PSPC1: variants seen among roughly 807,000 people sequenced by gnomAD.
PSPC1 encodes paraspeckle component 1, also known as paraspeckle protein 1.
PSPC1 carries 14 observed loss-of-function variants against 51.6 expected under a neutral mutation model. The ratio of observed to expected loss-of-function variants is 0.27; its 90% confidence interval spans 0.18 to 0.42. The LOEUF (loss-of-function observed/expected upper bound fraction) is 0.42, where lower values mean the gene tolerates loss of function less well. PSPC1 is among the 10% of genes least tolerant of loss of function. PSPC1 has a pLI of 1.00. For synonymous variants in PSPC1, 193 were observed against 231.9 expected (o/e 0.83, Z 1.53); for missense variants, 406 against 701.1 (o/e 0.58, Z 4.75).
intron 6 of PSPC1, among the ~76,000 whole-genome samples, chr13:19,725,414 C>G (rs1046368179): frequency 1.3e-5 from 2 of 152,168 alleles, no homozygotes; most frequent in Non-Finnish European, 2.9e-5. Context: ...TTATTCTTCA[C>G]AAGCTCTACG....
chr13:19,702,132 C>A (rs781361651), downstream of PSPC1, among the ~76,000 whole-genome samples: 5 of 151,670 alleles, frequency 3.3e-5, no homozygotes, highest in Non-Finnish European at 7.4e-5. Context: ...TTGAAAAACA[C>A]AAACAAACAA....
At chr13:19,760,330 C>T (rs1047142092) in intron 2 of PSPC1, among the ~76,000 whole-genome samples, 2 of 151,792 alleles carry the variant, frequency 1.3e-5, no homozygotes, top group Non-Finnish European at 2.9e-5. Context: ...GAGTTTGAGA[C>T]CAACATGGCC....
intron 6 of PSPC1, among the ~76,000 whole-genome samples, chr13:19,684,583 C>T (rs1355426739): frequency 6.6e-6 from 1 of 152,182 alleles, no homozygotes; most frequent in Non-Finnish European, 1.5e-5. Context: ...TTGAAGATAA[C>T]ATGTAAATCA....
At chr13:19,671,582 C>T (rs534883791), downstream of PSPC1, among the ~76,000 whole-genome samples, 3 of 152,234 alleles carry the variant, frequency 2.0e-5, no homozygotes, top group Admixed American at 1.3e-4. Context: ...GTCTTTAGGC[C>T]GGTCCCTAAC....
intron 5 of PSPC1, among the ~76,000 whole-genome samples, chr13:19,736,519 TA>T (rs1884831191): frequency 1.3e-5 from 2 of 151,678 alleles, no homozygotes; most frequent in South Asian, 4.2e-4. Flanking sequence ...CCATCTCTAC[TA>T]AAAATACAAA....
chr13:19,723,162 G>A lies in PSPC1; in HGVS notation c.1158+7077C>T, dbSNP rs186186420. 1.3e-3 allele frequency among the ~76,000 whole-genome samples: 191 copies of A among 152,150 alleles called. 1 individual carries two copies. The highest frequency in any genetic ancestry group is 4.4e-3 in the African/African-American group (184 of 41,524). Reference sequence around the variant, plus strand: ...TTTTAATGAAAAAGATGACAGCTGGGGTGAGGAATCAGAAGAAACACATGA... The same window carrying A: ...TTTTAATGAAAAAGATGACAGCTGGAGTGAGGAATCAGAAGAAACACATGA... On this transcript the variant is annotated intron_variant, in intron 6 of 8. Transcript: ENST00000338910.
chr13:19,693,853 G>A (rs1395998783), intron 6 of PSPC1, among the ~76,000 whole-genome samples: 1 of 152,072 alleles, frequency 6.6e-6, no homozygotes, highest in Non-Finnish European at 1.5e-5. Context: ...GCCAGGCGCG[G>A]TGGCTCACGC....
intron 6 of PSPC1, among the ~76,000 whole-genome samples, chr13:19,696,124 T>A (rs1485819210): frequency 6.6e-6 from 1 of 152,186 alleles, no homozygotes; most frequent in African/African-American, 2.4e-5. Context: ...AACCCATTTA[T>A]GTTCACAAAA....
chr13:19,778,440 T>C (rs1404861608), intron 1 of PSPC1, among the ~76,000 whole-genome samples: 2 of 118,800 alleles, frequency 1.7e-5, no homozygotes, highest in Non-Finnish European at 3.4e-5. Flanking sequence ...GAGCCGAAGC[T>C]GGACTGTACT....
chr13:19,745,032 A>G (rs1885819527), intron 4 of PSPC1, among the ~76,000 whole-genome samples: 1 of 152,126 alleles, frequency 6.6e-6, no homozygotes, highest in Non-Finnish European at 1.5e-5. Flanking sequence ...TGGCTTACCA[A>G]AGTGGGAGGC....
At chr13:19,689,753 G>A (rs1438373709) in intron 6 of PSPC1, among the ~76,000 whole-genome samples, 1 of 152,080 alleles carries the variant, frequency 6.6e-6, no homozygotes, top group African/African-American at 2.4e-5. Flanking sequence ...CCAAAATGCA[G>A]GAACTGAGTA....
intron 2 of PSPC1, among the ~76,000 whole-genome samples, chr13:19,765,657 T>G (rs1232169157): frequency 6.6e-6 from 1 of 151,738 alleles, no homozygotes; most frequent in Admixed American, 6.6e-5. Context: ...TTCTTTTTGT[T>G]CTTTTGAAGA....
intron 6 of PSPC1, among the ~76,000 whole-genome samples, chr13:19,729,454 T>C (rs1883771191): frequency 6.6e-6 from 1 of 151,746 alleles, no homozygotes; most frequent in African/African-American, 2.4e-5. Flanking sequence ...GGAGAATCGC[T>C]TGAACCTGGG....
At chr13:19,704,692 G>A (rs1046666663) in intron 8 of PSPC1, among the ~76,000 whole-genome samples, 27 of 152,000 alleles carry the variant, frequency 1.8e-4, no homozygotes, top group African/African-American at 6.3e-4. Flanking sequence ...GACTTTAATA[G>A]AAATGATAAA....
chr13:19,702,349 A>G (rs1351093847), downstream of PSPC1, among the ~76,000 whole-genome samples: 2 of 152,186 alleles, frequency 1.3e-5, no homozygotes, highest in East Asian at 3.8e-4. Context: ...CAGCCAACCC[A>G]ACAGTATTGT....
intron 6 of PSPC1, among the ~76,000 whole-genome samples, chr13:19,694,422 A>T (rs554642366): frequency 6.6e-6 from 1 of 152,272 alleles, no homozygotes; most frequent in South Asian, 2.1e-4. Context: ...AGGTGAAATT[A>T]GCTTAATTAT....
chr13:19,717,949 C>T (rs1279700888), intron 6 of PSPC1, among the ~76,000 whole-genome samples: 1 of 151,298 alleles, frequency 6.6e-6, no homozygotes, highest in Admixed American at 6.6e-5. Context: ...GGGACCAACG[C>T]AGGAGGATCC....
At chr13:19,773,648 G>C (rs184682586) in intron 1 of PSPC1, among the ~76,000 whole-genome samples, 2 of 151,642 alleles carry the variant, frequency 1.3e-5, no homozygotes, top group East Asian at 3.9e-4. Flanking sequence ...TTAGTTCTTG[G>C]GTTTTTTTTT....
chr13:19,743,153 GA>G (rs1219397063), intron 4 of PSPC1, among the ~76,000 whole-genome samples: 1 of 152,126 alleles, frequency 6.6e-6, no homozygotes, highest in Non-Finnish European at 1.5e-5. Flanking sequence ...CTTTGTGTGT[GA>G]TTTTGTATAA....
Sources: gnomAD v4.1 joint callset for allele counts (sites outside exome capture counted in the v4.1 genomes callset) on GRCh38, gnomAD v4.1.1 for gene constraint, MANE v1.5 for transcripts, NCBI Gene and HGNC (gene_info 2026-07-23, HGNC 2026-07-21) for gene names.